DENND1A: variants seen among roughly 807,000 people sequenced by gnomAD.
DENND1A encodes the protein DENN domain-containing protein 1A.
DENND1A carries 51 observed loss-of-function variants against 113.7 expected under a neutral mutation model. The observed-to-expected ratio is 0.45, with a 90% confidence interval of 0.36 to 0.57. The LOEUF is 0.57. Among genes scored for constraint, DENND1A ranks in the 20% least tolerant of loss-of-function variants. The pLI, the probability that DENND1A is intolerant of heterozygous loss-of-function variation, is 0.00. For missense variants in DENND1A, 1,258 were observed against 1,395.9 expected (o/e 0.90, Z 1.57); for synonymous variants, 565 against 570.8 (o/e 0.99, Z 0.14).
chr9:123,874,184 C>T (rs1588033448), intron 2 of DENND1A, among the ~76,000 whole-genome samples: 1 of 102,304 alleles, frequency 9.8e-6, no homozygotes, highest in Non-Finnish European at 2.0e-5. Flanking sequence ...CCCATCTCTA[C>T]ATAAAATTTA....
At chr9:123,849,528 G>A (rs1169361593) in intron 2 of DENND1A, among the ~76,000 whole-genome samples, 2 of 152,138 alleles carry the variant, frequency 1.3e-5, no homozygotes, top group Non-Finnish European at 2.9e-5. Context: ...AAAAGACAAT[G>A]CACCTGGTCA....
intron 6 of DENND1A, 125 bp from the exon 7 acceptor site, chr9:123,671,496 G>T: frequency 1.2e-6 from 1 of 863,900 alleles, no homozygotes; most frequent in South Asian, 1.6e-5. Flanking sequence ...ACAGAAATAG[G>T]TTTGATATTC....
chr9:123,408,092 C>T (rs12344345), intron 20 of DENND1A, among the ~76,000 whole-genome samples: 24,425 of 152,164 alleles, frequency 0.16, 2,020 homozygotes, highest in Admixed American at 0.2. Context: ...GGCTGAATGG[C>T]TAGACCCTCC....
chr9:123,785,733 G>A (rs1175260340), intron 3 of DENND1A, among the ~76,000 whole-genome samples: 1 of 149,740 alleles, frequency 6.7e-6, no homozygotes, highest in Non-Finnish European at 1.5e-5. Context: ...AGAGCACCCT[G>A]TGGCTATCAT....
At chr9:123,588,773 GTT>G (rs113676350) in intron 11 of DENND1A, among the ~76,000 whole-genome samples, 1 of 144,692 alleles carries the variant, frequency 6.9e-6, no homozygotes. Context: ...ATTCTATTTT[GTT>G]TTTTTTTTTT....
intron 3 of DENND1A, among the ~76,000 whole-genome samples, chr9:123,785,116 G>A (rs1205596275): frequency 6.6e-6 from 1 of 151,972 alleles, no homozygotes. Context: ...GAGGGAAGAG[G>A]ATTGCTTGAG....
At chr9:123,477,406 T>A (rs536722700) in intron 13 of DENND1A, among the ~76,000 whole-genome samples, 312 of 151,640 alleles carry the variant, frequency 2.1e-3, no homozygotes, top group Non-Finnish European at 3.3e-3. Context: ...TTTTTTTTTT[T>A]AATTAGCTGG....
intron 11 of DENND1A, among the ~76,000 whole-genome samples, chr9:123,584,210 G>A (rs2059055438): frequency 6.6e-6 from 1 of 152,200 alleles, no homozygotes; most frequent in Admixed American, 6.5e-5. Flanking sequence ...CGTAGAAAGA[G>A]CCTATCATTT....
intron 13 of DENND1A, among the ~76,000 whole-genome samples, chr9:123,529,342 TACTCAGC>T (rs1351275524): frequency 6.6e-6 from 1 of 152,198 alleles, no homozygotes; most frequent in African/African-American, 2.4e-5. Context: ...ACTGTAGTGA[TACTCAGC>T]ACTCAGCACT....
chr9:123,640,086 A>G (rs1459473220), intron 9 of DENND1A, among the ~76,000 whole-genome samples: 1 of 152,194 alleles, frequency 6.6e-6, no homozygotes, highest in Non-Finnish European at 1.5e-5. Flanking sequence ...GCTCTGATCT[A>G]TATTAATCCC....
At chr9:123,619,663 T>A (rs758409774) in intron 10 of DENND1A, among the ~76,000 whole-genome samples, 1 of 152,166 alleles carries the variant, frequency 6.6e-6, no homozygotes, top group Non-Finnish European at 1.5e-5. Flanking sequence ...GCTCAAGCAA[T>A]CTGCCCACCT....
intron 1 of DENND1A, among the ~76,000 whole-genome samples, chr9:123,883,155 C>T (rs116011988): frequency 0.036 from 5,520 of 152,288 alleles, 130 homozygotes; most frequent in South Asian, 0.048. Context: ...AAGACCTTCC[C>T]CAACACACAC....
At chr9:123,458,199 C>T (rs1017840486) in intron 13 of DENND1A, among the ~76,000 whole-genome samples, 3 of 151,956 alleles carry the variant, frequency 2.0e-5, no homozygotes, top group Non-Finnish European at 4.4e-5. Flanking sequence ...TGAGGTTTCA[C>T]CATGTTGGTC....
At chr9:123,495,533 G>C (rs1013491749) in intron 13 of DENND1A, among the ~76,000 whole-genome samples, 4 of 152,206 alleles carry the variant, frequency 2.6e-5, no homozygotes, top group Non-Finnish European at 5.9e-5. Flanking sequence ...AGGAGGCAAA[G>C]AGGAGAGAGC....
At chr9:123,619,222 C>T (rs1227616497) in intron 10 of DENND1A, among the ~76,000 whole-genome samples, 1 of 152,198 alleles carries the variant, frequency 6.6e-6, no homozygotes, top group African/African-American at 2.4e-5. Context: ...GCTGGGATTA[C>T]AGGCATGAGC....
At chr9:123,622,563 T>A (rs1013409157) in intron 10 of DENND1A, among the ~76,000 whole-genome samples, 1 of 152,190 alleles carries the variant, frequency 6.6e-6, no homozygotes, top group African/African-American at 2.4e-5. Flanking sequence ...TCATAAAATC[T>A]CGGTGATGGG....
At chr9:123,853,000 C>A (rs1320542560) in intron 2 of DENND1A, among the ~76,000 whole-genome samples, 1 of 151,860 alleles carries the variant, frequency 6.6e-6, no homozygotes, top group African/African-American at 2.4e-5. Flanking sequence ...CTCACTGCAA[C>A]CTCCACCGCC....
intron 11 of DENND1A, among the ~76,000 whole-genome samples, chr9:123,592,017 A>T (rs1323648125): frequency 6.6e-6 from 1 of 152,214 alleles, no homozygotes; most frequent in African/African-American, 2.4e-5. Context: ...CAAGTTCTTT[A>T]CTTCTGAGCC....
At chr9:123,531,903 T>A (rs906563873) in intron 13 of DENND1A, among the ~76,000 whole-genome samples, 2 of 152,160 alleles carry the variant, frequency 1.3e-5, no homozygotes, top group Non-Finnish European at 2.9e-5. Flanking sequence ...CTTGTGAGTA[T>A]ATGGTGAAGT....
Sources: gnomAD v4.1 joint callset for allele counts (sites outside exome capture counted in the v4.1 genomes callset) on GRCh38, gnomAD v4.1.1 for gene constraint, MANE v1.5 for transcripts, NCBI Gene and HGNC (gene_info 2026-07-23, HGNC 2026-07-21) for gene names.